The following CCNB3 variants were observed in gnomAD, a reference collection of about 807,000 sequenced individuals.
CCNB3 encodes the protein G2/mitotic-specific cyclin-B3.
In CCNB3, 12 loss-of-function variants were observed where a neutral mutation model predicts 68.0. That is an observed-to-expected ratio of 0.18 (90% CI 0.11 to 0.29). CCNB3 has a LOEUF of 0.29. Ranked by LOEUF, CCNB3 falls within the 10% of genes least tolerant of loss-of-function variation. CCNB3 has a pLI of 1.00. For synonymous variants in CCNB3, 354 were observed against 388.9 expected (o/e 0.91, Z 1.06); for missense variants, 904 against 993.1 (o/e 0.91, Z 1.21).
Position 50,310,423 on chromosome X carries a change from A to G in CCNB3, c.2254A>G (p.Lys752Glu), listed in dbSNP as rs782487937. 8 of 1,211,352 alleles carry G rather than the reference A, an allele frequency of 6.6e-6. No homozygotes were observed. In the South Asian group the frequency reaches 1.4e-4, roughly 21 times the overall value. ...NIQTQLSLKKKSTSHGKVFFL... is the reference protein window; with the variant it reads ...NIQTQLSLKKESTSHGKVFFL... ...ACAGACACAATTATCTTTAAAGAAG[A>G]AGTCCACTTCTCATGGAAAAGTGTT... Residue 752 changes from lysine (K) to glutamate (E), a missense_variant, in exon 6 of 13, where the codon AAG becomes GAG. Lys to Glu is a moderately conservative substitution (Grantham distance 56). This residue lies in a region of CCNB3 where 619 missense variants were observed against 609.8 expected (regional missense o/e 1.02). Transcript: ENST00000376042.
At chrX:50,331,804 C>A (rs1439352830) in intron 8 of CCNB3, among the ~76,000 whole-genome samples, 1 of 111,796 alleles carries the variant, frequency 8.9e-6, no homozygotes, top group African/African-American at 3.2e-5. Context: ...AAGATATTTA[C>A]TCGAGGATTC....
chrX:50,329,661 A>C (rs1557217796), intron 8 of CCNB3, among the ~76,000 whole-genome samples: 1 of 112,210 alleles, frequency 8.9e-6, no homozygotes. Context: ...CCTTTTTCCC[A>C]TTGTCCTGGC....
intron 5 of CCNB3, among the ~76,000 whole-genome samples, chrX:50,303,976 G>T (rs1936706062): frequency 9.0e-6 from 1 of 111,699 alleles, no homozygotes; most frequent in African/African-American, 3.3e-5. Context: ...TTAACTTAGG[G>T]TTTTGATCTA....
At chrX:50,298,008 T>C (rs1454516246) in intron 5 of CCNB3, among the ~76,000 whole-genome samples, 1 of 111,988 alleles carries the variant, frequency 8.9e-6, no homozygotes, top group Non-Finnish European at 1.9e-5. Flanking sequence ...CTGAAGTTGC[T>C]TATTAGCTTA....
intron 8 of CCNB3, among the ~76,000 whole-genome samples, chrX:50,334,127 C>T (rs1557218464): frequency 8.9e-6 from 1 of 112,490 alleles, no homozygotes; most frequent in Non-Finnish European, 1.9e-5. Flanking sequence ...TCAATGACAG[C>T]ATCCAAAGTT....
At chrX:50,228,741 CAT>C (rs1279721807) in intron 1 of CCNB3, among the ~76,000 whole-genome samples, 47 of 54,296 alleles carry the variant, frequency 8.7e-4, no homozygotes, top group Admixed American at 3.2e-3. Flanking sequence ...AATATAGAAA[CAT>C]ATAGAATATA....
chrX:50,217,527 C>T (rs1352246501), intron 1 of CCNB3, among the ~76,000 whole-genome samples: 2 of 110,788 alleles, frequency 1.8e-5, no homozygotes, highest in African/African-American at 6.6e-5. Flanking sequence ...CCACCTTGGC[C>T]TCCCAAAGTG....
intron 8 of CCNB3, among the ~76,000 whole-genome samples, chrX:50,334,690 C>T (rs782019801): frequency 8.9e-6 from 1 of 112,329 alleles, no homozygotes; most frequent in South Asian, 3.7e-4. Context: ...ATCTGGTAGT[C>T]CTGGGACTGG....
intron 10 of CCNB3, among the ~76,000 whole-genome samples, chrX:50,347,071 T>C (rs1182052584): frequency 1.8e-5 from 2 of 111,112 alleles, no homozygotes; most frequent in African/African-American, 6.6e-5. Context: ...GTTTCTTTTA[T>C]CAGGGAGAGA....
intron 1 of CCNB3, among the ~76,000 whole-genome samples, chrX:50,226,235 T>TATATATATAGAATATATATATA (rs1341624190): frequency 1.6e-5 from 1 of 61,016 alleles, no homozygotes; most frequent in African/African-American, 7.0e-5. Context: ...ATATATATAT[T>TATATATATAGAATATATATATA]TATATATATA....
chrX:50,213,951 A>T (rs1160391723), intron 1 of CCNB3, among the ~76,000 whole-genome samples: 1 of 111,838 alleles, frequency 8.9e-6, no homozygotes, highest in African/African-American at 3.2e-5. Flanking sequence ...GAACTTGTTC[A>T]TATATAAACA....
intron 1 of CCNB3, among the ~76,000 whole-genome samples, chrX:50,227,549 G>A (rs1935901642): frequency 1.7e-5 from 1 of 57,156 alleles, no homozygotes; most frequent in Non-Finnish European, 3.3e-5. Context: ...AATATATAGA[G>A]AGAGATATAA....
At chrX:50,317,449 G>A (rs1421249149) in intron 8 of CCNB3, among the ~76,000 whole-genome samples, 6 of 110,827 alleles carry the variant, frequency 5.4e-5, no homozygotes, top group African/African-American at 2.0e-4. Context: ...CTTCTTTATG[G>A]ATTATACTTA....
At position 50,309,246 on chromosome X, in the gene CCNB3, G is replaced by C. The variant is rs1921262666; in HGVS notation, c.1077G>C (p.Glu359Asp). The C allele has an allele frequency of 8.3e-7, 1 of 1,211,067 alleles. No homozygotes were observed. Among genetic ancestry groups the C allele is most frequent in the Non-Finnish European group, 1.1e-6 (1 of 895,196 alleles). Residue 359 changes from glutamate (E) to aspartate (D), a missense_variant, in exon 6 of 13, where the codon GAG (glutamate) becomes GAC (aspartate). Around this residue, in one of 2 missense-constraint regions of CCNB3, gnomAD observed 619 missense variants for 609.8 expected, o/e 1.02. Transcript: ENST00000376042. ...SLALQKTNFK[E>D]DSLVKESLAF... ...CCTTGCAGAAGACCAACTTTAAAGA[G>C]GATTCCCTTGTTAAGGAGTCGTTAG... is the stretch of plus-strand genomic sequence containing the variant.
intron 1 of CCNB3, among the ~76,000 whole-genome samples, chrX:50,228,633 A>C (rs1490295447): frequency 1.2e-5 from 1 of 83,909 alleles, no homozygotes; most frequent in Non-Finnish European, 2.2e-5. Flanking sequence ...TATAGAATAT[A>C]CATATAGAAT....
chrX:50,348,488 G>A (rs1557220705), intron 11 of CCNB3, among the ~76,000 whole-genome samples: 1 of 111,922 alleles, frequency 8.9e-6, no homozygotes. Flanking sequence ...ACTGAGGGAA[G>A]AACCTCTGTG....
intron 5 of CCNB3, among the ~76,000 whole-genome samples, chrX:50,305,069 A>C (rs797026825): frequency 3.5e-4 from 39 of 111,752 alleles, no homozygotes; most frequent in African/African-American, 8.5e-4. Context: ...ACTGGAAACT[A>C]GTTCAACCCT....
intron 1 of CCNB3, among the ~76,000 whole-genome samples, chrX:50,219,919 C>T (rs1935641150): frequency 9.0e-6 from 1 of 111,104 alleles, no homozygotes; most frequent in Non-Finnish European, 1.9e-5. Context: ...AATGTTTTTC[C>T]GTTTGTTTGT....
chrX:50,331,620 A>G (rs924196108), intron 8 of CCNB3, among the ~76,000 whole-genome samples: 1 of 111,676 alleles, frequency 9.0e-6, no homozygotes, highest in African/African-American at 3.3e-5. Context: ...TCCCATTACA[A>G]TTCCTCCACA....
Sources: gnomAD v4.1 joint callset for allele counts (sites outside exome capture counted in the v4.1 genomes callset) on GRCh38, gnomAD v4.1.1 for gene constraint, gnomAD v4.1.1 regional missense constraint, MANE v1.5 for transcripts, NCBI Gene and HGNC (gene_info 2026-07-23, HGNC 2026-07-21) for gene names.